Variants in ANO2 observed in about 807,000 individuals in gnomAD.
ANO2 encodes anoctamin-2.
Under a neutral mutation model 124.2 loss-of-function variants are expected in ANO2, and 101 were observed. The observed-to-expected ratio is 0.81, with a 90% CI of 0.69 to 0.96. The LOEUF is 0.96. ANO2 is among the 40% of genes least tolerant of loss of function. The pLI, the probability that ANO2 is intolerant of heterozygous loss-of-function variation, is 0.00. For missense variants in ANO2, 1,293 were observed against 1,274.5 expected, an observed-to-expected ratio of 1.01 and a Z score of -0.22; for synonymous variants, 486 against 482.5, an observed-to-expected ratio of 1.01 and a Z score of -0.09.
chr12:5,717,959 G>A (rs932873965), intron 14 of ANO2, among the ~76,000 whole-genome samples: 5 of 152,170 alleles, frequency 3.3e-5, no homozygotes, highest in African/African-American at 4.8e-5. Context: ...GGACCACATG[G>A]GCAGGCTTCT....
chr12:5,724,477 TC>T (rs1950354975), intron 14 of ANO2, among the ~76,000 whole-genome samples: 1 of 152,134 alleles, frequency 6.6e-6, no homozygotes, highest in South Asian at 2.1e-4. Context: ...TCAATGGGAC[TC>T]CCTTCTCCAC....
chr12:5,906,491 C>T (rs928290962), intron 3 of ANO2, among the ~76,000 whole-genome samples: 3 of 151,990 alleles, frequency 2.0e-5, no homozygotes, highest in Non-Finnish European at 4.4e-5. Context: ...AGACCCCATC[C>T]CTATTTTTCA....
chr12:5,932,801 A>G (rs1040916442), intron 1 of ANO2, among the ~76,000 whole-genome samples: 4 of 152,182 alleles, frequency 2.6e-5, no homozygotes, highest in Non-Finnish European at 4.4e-5. Context: ...AGTCAACATG[A>G]AAGTATGAAG....
At chr12:5,845,048 G>A (rs1216635421) in intron 4 of ANO2, among the ~76,000 whole-genome samples, 7 of 151,594 alleles carry the variant, frequency 4.6e-5, no homozygotes, top group Non-Finnish European at 1.5e-5. Flanking sequence ...GAGGTGGGTG[G>A]ATAACTTGAG....
intron 3 of ANO2, chr12:5,856,607 T>C (rs1955106193): frequency 6.6e-6 from 1 of 152,210 alleles, no homozygotes; most frequent in South Asian, 2.1e-4. Context: ...TGCCCCGTCA[T>C]TTTCTTCCGT....
intron 14 of ANO2, among the ~76,000 whole-genome samples, chr12:5,703,722 AT>A (rs1211680006): frequency 6.6e-6 from 1 of 151,910 alleles, no homozygotes; most frequent in Non-Finnish European, 1.5e-5. Context: ...AGTTTTTAAA[AT>A]TTTTTTGTAG....
chr12:5,911,370 T>C (rs1029519216), intron 3 of ANO2, among the ~76,000 whole-genome samples: 7 of 152,168 alleles, frequency 4.6e-5, no homozygotes, highest in Admixed American at 3.9e-4. Flanking sequence ...CCCAGACCGA[T>C]AAAGACCCTG....
intron 9 of ANO2, among the ~76,000 whole-genome samples, chr12:5,801,692 T>C (rs1372297508): frequency 6.6e-6 from 1 of 152,186 alleles, no homozygotes; most frequent in African/African-American, 2.4e-5. Context: ...TGTACCAGCA[T>C]TTACCACCAC....
At chr12:5,895,244 C>A (rs1255655678) in intron 3 of ANO2, among the ~76,000 whole-genome samples, 1 of 151,966 alleles carries the variant, frequency 6.6e-6, no homozygotes, top group African/African-American at 2.4e-5. Context: ...ATTTTATTTT[C>A]TGAAGCAATT....
At chr12:5,711,228 G>T (rs1208599024) in intron 14 of ANO2, among the ~76,000 whole-genome samples, 1 of 152,034 alleles carries the variant, frequency 6.6e-6, no homozygotes, top group Non-Finnish European at 1.5e-5. Context: ...AGTCATAGGG[G>T]CAGATCCCTC....
intron 19 of ANO2, among the ~76,000 whole-genome samples, chr12:5,611,429 T>C (rs1302533673): frequency 6.6e-6 from 1 of 152,188 alleles, no homozygotes; most frequent in East Asian, 1.9e-4. Context: ...GGCCGTTTCA[T>C]CTACATTTTT....
chr12:5,834,829 A>C (rs1365077882), intron 4 of ANO2, among the ~76,000 whole-genome samples: 7 of 152,206 alleles, frequency 4.6e-5, no homozygotes, highest in Non-Finnish European at 1.0e-4. Flanking sequence ...CGTTTGGAAT[A>C]TATTTAATCC....
At chr12:5,805,861 C>T (rs1953174240) in intron 9 of ANO2, among the ~76,000 whole-genome samples, 191 bp downstream of exon 9, 1 of 152,194 alleles carries the variant, frequency 6.6e-6, no homozygotes. Flanking sequence ...TGTGGCTCTC[C>T]AGGCACTAAA....
chr12:5,824,772 C>A (rs547404506), intron 7 of ANO2, among the ~76,000 whole-genome samples: 1 of 152,064 alleles, frequency 6.6e-6, no homozygotes, highest in African/African-American at 2.4e-5. Context: ...GAGACATACC[C>A]GAGACTGGGA....
At chr12:5,685,677 G>T (rs1948673409) in intron 14 of ANO2, among the ~76,000 whole-genome samples, 1 of 152,184 alleles carries the variant, frequency 6.6e-6, no homozygotes. Context: ...GTCCAGCTAT[G>T]TGGGGAGCTG....
In ANO2 at chr12:5,912,948, G is replaced by A. The variant is rs1316278871; in HGVS notation, c.534+8092C>T. 5.3e-5 allele frequency among the ~76,000 whole-genome samples: 8 copies of A among 152,274 alleles called. No homozygotes were observed. The South Asian group carries it at 1.4e-3, about 28-fold the overall frequency. The stretch of plus-strand genomic sequence containing the variant: ...AAACCCATATTTGCATTTTCCCTGC[G>A]TTTGCTATATCCTTTCCTAGGAACA... On this transcript the variant is annotated intron_variant, in intron 3 of 24. Coordinates refer to ENST00000682330, the MANE Select transcript of ANO2 (RefSeq NM_001364791.2).
At chr12:5,674,773 T>TCTAA (rs1948160699) in intron 14 of ANO2, among the ~76,000 whole-genome samples, 1 of 152,208 alleles carries the variant, frequency 6.6e-6, no homozygotes, top group South Asian at 2.1e-4. Context: ...TAAGCCTCAG[T>TCTAA]TTCCACATCT....
chr12:5,732,892 G>A (rs369129499), intron 13 of ANO2: 65 of 1,613,740 alleles, frequency 4.0e-5, no homozygotes, highest in Admixed American at 6.7e-5. Flanking sequence ...GGATAGCGCC[G>A]GTGTTGAGAA....
At chr12:5,693,056 C>T (rs1949012839) in intron 14 of ANO2, among the ~76,000 whole-genome samples, 1 of 152,094 alleles carries the variant, frequency 6.6e-6, no homozygotes, top group African/African-American at 2.4e-5. Context: ...CCATCATCAT[C>T]CCATCTCTAA....
Sources: gnomAD v4.1 joint callset for allele counts (sites outside exome capture counted in the v4.1 genomes callset) on GRCh38, gnomAD v4.1.1 for gene constraint, MANE v1.5 for transcripts, NCBI Gene and HGNC (gene_info 2026-07-23, HGNC 2026-07-21) for gene names.